COL21A1: variants seen among roughly 807,000 people sequenced by gnomAD.
The protein encoded by COL21A1 is collagen type XXI alpha 1 chain.
Under a neutral mutation model 137.9 loss-of-function variants are expected in COL21A1, and 149 were observed. The ratio of observed to expected loss-of-function variants is 1.08; its 90% CI spans 0.95 to 1.24. COL21A1 has a LOEUF of 1.24. Ranked by LOEUF, COL21A1 falls within the 50% of genes most tolerant of loss-of-function variation. The probability of loss-of-function intolerance (pLI) is 0.00; values close to 1 mark genes in which losing one functional copy is unlikely to be tolerated. For missense variants in COL21A1, 1,167 were observed against 1,158.4 expected, an observed-to-expected ratio of 1.01 and a Z score of -0.11; for synonymous variants, 456 against 391.5, an observed-to-expected ratio of 1.16 and a Z score of -1.95.
chr6:56,256,151 C>T (rs867980579), intron 1 of COL21A1, among the ~76,000 whole-genome samples: 2 of 152,102 alleles, frequency 1.3e-5, no homozygotes, highest in East Asian at 1.9e-4. Flanking sequence ...TAGATGACAC[C>T]GAGGTTAAAG....
At chr6:56,188,461 C>G (rs886213133) in intron 1 of COL21A1, among the ~76,000 whole-genome samples, 1 of 152,170 alleles carries the variant, frequency 6.6e-6, no homozygotes, top group Non-Finnish European at 1.5e-5. Flanking sequence ...GGCAGGGAAT[C>G]TCTGAAAATA....
At position 56,056,817 on chromosome 6, in the gene COL21A1, T is replaced by C. The variant is rs1357163123; in HGVS notation, c.*840A>G. 1 of 152,192 alleles carries C rather than the reference T, an allele frequency of 6.6e-6. No individual in the cohort carries two copies. The highest frequency in any genetic ancestry group is 6.6e-5 in the Admixed American group (1 of 15,266). 9.4% of individuals were successfully genotyped at this position (152,192 alleles called of 1,614,324 possible). ...GAGCATTAGCTTTATTTCCATTAGC[T>C]TTGCTACAATGAAAATTAACATATA... On this transcript the variant is annotated 3_prime_UTR_variant, in exon 30 of 30. Transcript: ENST00000244728.
rs565966186 is a variant in COL21A1 at position 56,263,325 on chromosome 6, C to CA, written c.-38-80670dup. ...CTGGAATGGTCTACATCAGAAGTAA[C>CA]ATATAAGCTAGATCTTCCAAAGACT... On this transcript the variant is annotated intron_variant, in intron 1 of 28. Transcript: ENST00000370819. 2.8e-3 allele frequency among the ~76,000 whole-genome samples: 424 copies of CA among 152,248 alleles called. 2 individuals are homozygous for CA. Among genetic ancestry groups the CA allele is most frequent in the Non-Finnish European group, 4.1e-3 (281 of 68,020 alleles).
At chr6:56,291,129 A>T (rs1166617903) in intron 1 of COL21A1, among the ~76,000 whole-genome samples, 1 of 152,196 alleles carries the variant, frequency 6.6e-6, no homozygotes, top group Non-Finnish European at 1.5e-5. Context: ...GAACAGTGAG[A>T]ATCTTGTATA....
chr6:56,196,835 T>C (rs1779052046), intron 1 of COL21A1, among the ~76,000 whole-genome samples: 1 of 152,142 alleles, frequency 6.6e-6, no homozygotes, highest in Admixed American at 6.6e-5. Flanking sequence ...AGTTCAATCA[T>C]TATCAAGATC....
intron 17 of COL21A1, among the ~76,000 whole-genome samples, chr6:56,095,574 T>C (rs565073795): frequency 6.6e-6 from 1 of 152,288 alleles, no homozygotes; most frequent in East Asian, 1.9e-4. Context: ...CCTCTATCTA[T>C]CCCTAAAAGC....
intron 1 of COL21A1, among the ~76,000 whole-genome samples, chr6:56,363,264 T>A (rs1226630566): frequency 2.6e-5 from 4 of 152,188 alleles, no homozygotes; most frequent in Non-Finnish European, 5.9e-5. Context: ...AAGCAGCAGG[T>A]CATATACACG....
At chr6:56,146,641 A>G (rs1774857571) in intron 10 of COL21A1, among the ~76,000 whole-genome samples, 1 of 152,128 alleles carries the variant, frequency 6.6e-6, no homozygotes, top group Admixed American at 6.5e-5. Context: ...AATACTAAAG[A>G]AAGCACAATG....
At chr6:56,320,377 C>A (rs1408326386) in intron 1 of COL21A1, among the ~76,000 whole-genome samples, 4 of 152,002 alleles carry the variant, frequency 2.6e-5, no homozygotes, top group Admixed American at 2.6e-4. Context: ...TGTGCTTCTC[C>A]ACCAGGATAT....
At chr6:56,273,847 G>A (rs1763582474) in intron 1 of COL21A1, among the ~76,000 whole-genome samples, 1 of 152,088 alleles carries the variant, frequency 6.6e-6, no homozygotes, top group South Asian at 2.1e-4. Flanking sequence ...TCTATTCAAG[G>A]AGGAGGAGGG....
chr6:56,194,068 T>C (rs1032890987), intron 1 of COL21A1, among the ~76,000 whole-genome samples: 4 of 152,198 alleles, frequency 2.6e-5, no homozygotes, highest in Admixed American at 6.5e-5. Flanking sequence ...ATCACCAGGA[T>C]GTGCTGTTTT....
Position 56,268,219 on chromosome 6 carries a change from C to T in COL21A1, c.-38-85563G>A, listed in dbSNP as rs140587153. ...CCGACACAGGAGCAGGGCATGCTTC[C>T]ATTCATAGGTCCAGTCCAGAAAGAA... On this transcript the variant is annotated intron_variant, in intron 1 of 28. Transcript: ENST00000370819. Among the ~76,000 whole-genome samples the T allele has an allele frequency of 1.8e-3, 270 of 152,278 alleles. 1 individual carries two copies. Among genetic ancestry groups the T allele is most frequent in the African/African-American group, 6.4e-3 (265 of 41,550 alleles).
intron 16 of COL21A1, among the ~76,000 whole-genome samples, chr6:56,121,500 ATATTCATATGTG>A (rs1307173659): frequency 1.3e-4 from 17 of 127,170 alleles, no homozygotes; most frequent in African/African-American, 3.7e-4. Context: ...ATATATATGT[ATATTCATATGTG>A]TATATATATA....
At chr6:56,269,451 C>A (rs903339867) in intron 1 of COL21A1, among the ~76,000 whole-genome samples, 1 of 151,468 alleles carries the variant, frequency 6.6e-6, no homozygotes, top group Non-Finnish European at 1.5e-5. Flanking sequence ...GTCAGGAGAT[C>A]GAGACCATCC....
intron 1 of COL21A1, among the ~76,000 whole-genome samples, chr6:56,195,681 T>A (rs1778973795): frequency 6.6e-6 from 1 of 151,962 alleles, no homozygotes; most frequent in African/African-American, 2.4e-5. Flanking sequence ...AACTGAATGA[T>A]GATGAAATAC....
intron 1 of COL21A1, among the ~76,000 whole-genome samples, chr6:56,380,221 T>C (rs1263319539): frequency 6.6e-6 from 1 of 152,192 alleles, no homozygotes; most frequent in African/African-American, 2.4e-5. Flanking sequence ...CTCCCCTTTC[T>C]TTCCACATGA....
chr6:56,385,270 G>A (rs1581797905), intron 1 of COL21A1, among the ~76,000 whole-genome samples: 1 of 152,162 alleles, frequency 6.6e-6, no homozygotes, highest in Non-Finnish European at 1.5e-5. Flanking sequence ...TTTTGTTTGG[G>A]CTGCTTAAAC....
intron 10 of COL21A1, among the ~76,000 whole-genome samples, chr6:56,155,234 A>G (rs1775650219): frequency 6.6e-6 from 1 of 152,212 alleles, no homozygotes. Context: ...CTTTCTCTAG[A>G]GAGGTTTACC....
At chr6:56,099,399 G>T (rs556952398) in intron 17 of COL21A1, among the ~76,000 whole-genome samples, 61 of 151,384 alleles carry the variant, frequency 4.0e-4, no homozygotes, top group Admixed American at 9.9e-4. Flanking sequence ...ACCACGCCTG[G>T]CTAATTTTTT....
Sources: allele counts gnomAD v4.1 joint callset (sites outside exome capture counted in the v4.1 genomes callset), GRCh38; gene constraint gnomAD v4.1.1; transcripts MANE v1.5; gene names NCBI Gene and HGNC (gene_info 2026-07-23, HGNC 2026-07-21).